The following ZNF174 variants were observed in gnomAD, a reference collection of about 807,000 sequenced individuals.
ZNF174 encodes zinc finger protein 174, also known as AW-1.
In ZNF174, 30 loss-of-function variants were observed where a neutral mutation model predicts 38.7. The observed-to-expected ratio is 0.78, with a 90% CI of 0.58 to 1.05. The LOEUF is 1.05. Ranked by LOEUF, ZNF174 falls within the 50% of genes least tolerant of loss-of-function variation. ZNF174 has a pLI of 0.00. For synonymous variants in ZNF174, 201 were observed against 181.7 expected (o/e 1.11, Z -0.86); for missense variants, 499 against 495.6 (o/e 1.01, Z -0.06).
intron 2 of ZNF174, chr16:3,405,030 C>T: frequency 6.3e-7 from 1 of 1,598,662 alleles, no homozygotes; most frequent in Non-Finnish European, 8.5e-7. Context: ...AATAAAAACC[C>T]ACCCTATATC....
intron 1 of ZNF174, among the ~76,000 whole-genome samples, chr16:3,403,342 G>A (rs1027144114): frequency 1.3e-5 from 2 of 151,008 alleles, no homozygotes; most frequent in Non-Finnish European, 3.0e-5. Context: ...GCTAATTTTT[G>A]TACTTTTTAG....
chr16:3,405,137 G>A, intron 2 of ZNF174: 2 of 1,388,112 alleles, frequency 1.4e-6, no homozygotes, highest in Admixed American at 5.5e-5. Flanking sequence ...TGCTGGCCTT[G>A]TTCTACACAG....
rs1023191018 is a variant in ZNF174, at chr16:3,409,139, G to A, written c.*220G>A. 1 of 562,196 alleles carries A rather than the reference G, an allele frequency of 1.8e-6. No individual in the cohort carries two copies. Among genetic ancestry groups the A allele is most frequent in the Non-Finnish European group, 3.1e-6 (1 of 317,862 alleles). 34.8% of individuals were successfully genotyped at this position (562,196 alleles called of 1,614,324 possible). A position where few individuals can be genotyped will look rare whatever the true frequency, so the allele number is the denominator to read the frequency against. On this transcript the variant is annotated 3_prime_UTR_variant, in exon 3 of 3. Transcript: ENST00000268655. ...AGAGAAGGCAGGTCTGGGCACTGGG[G>A]CAAAGAGAACTTAAGTCTCTGCAGA...
chr16:3,405,937 G>A (rs992433812), intron 2 of ZNF174, among the ~76,000 whole-genome samples: 4 of 152,186 alleles, frequency 2.6e-5, no homozygotes, highest in African/African-American at 9.7e-5. Context: ...CAACCTGGGA[G>A]GTCGAGGCTG....
At chr16:3,407,931 A>G (rs1271482094) in intron 2 of ZNF174, among the ~76,000 whole-genome samples, 1 of 152,218 alleles carries the variant, frequency 6.6e-6, no homozygotes, top group African/African-American at 2.4e-5. Context: ...AAAATTTGCA[A>G]TGTTGAGATT....
chr16:3,403,385 A>G (rs1463553485), intron 1 of ZNF174, among the ~76,000 whole-genome samples: 1 of 151,160 alleles, frequency 6.6e-6, no homozygotes, highest in South Asian at 2.1e-4. Context: ...TGGCCAGGCT[A>G]GTCTCGAACT....
At position 3,402,307 on chromosome 16, in the gene ZNF174, G is replaced by T. The variant is rs1435289138; in HGVS notation, c.303G>T (p.Glu101Asp). 1.9e-6 allele frequency: 3 copies of T among 1,614,032 alleles called. No homozygotes were observed. Among genetic ancestry groups the T allele is most frequent in the African/African-American group, 2.7e-5 (2 of 74,910 alleles). The change falls in exon 1 of 3, where the codon GAG becomes GAT. Residue 101 changes from glutamate to aspartate, a missense_variant. By Grantham distance (45) the Glu-to-Asp change is conservative. Coordinates refer to ENST00000268655, the MANE Select transcript of ZNF174 (RefSeq NM_003450.3). ...AGTTCCTGACCATCCTGCCCCCGGA[G>T]ATCCAGGCTCGGGTCAGGCATCGAT... The part of the protein sequence containing the change: ...MEQFLTILPP[E>D]IQARVRHRCP...
At chr16:3,404,828 AT>A (rs2034029963) in intron 2 of ZNF174, 180 bp downstream of exon 2, 1 of 1,582,242 alleles carries the variant, frequency 6.3e-7, no homozygotes, top group Non-Finnish European at 8.6e-7. Context: ...ACAAGTAAGT[AT>A]GTTTTTATCG....
At chr16:3,405,752 A>G (rs1270278513) in intron 2 of ZNF174, among the ~76,000 whole-genome samples, 1 of 152,262 alleles carries the variant, frequency 6.6e-6, no homozygotes, top group Non-Finnish European at 1.5e-5. Flanking sequence ...CACGCCTGTA[A>G]TCCCAGCACT....
At position 3,402,475 on chromosome 16, in the gene ZNF174, T is replaced by C. The variant is rs1200748969; in HGVS notation, c.402+69T>C. Reference sequence around the variant, plus strand: ...TTTCTTTTTTTTTTTTTTTCTTTTTTTGAGACGGAATCTTGCTCTTTCGCC... The same window carrying C: ...TTTCTTTTTTTTTTTTTTTCTTTTTCTGAGACGGAATCTTGCTCTTTCGCC... On this transcript the variant is annotated intron_variant, in intron 1 of 2. Transcript: ENST00000268655. The C allele has an allele frequency of 8.1e-6, 12 of 1,476,212 alleles. No individual in the cohort carries two copies. In the African/African-American group the frequency reaches 1.3e-4, roughly 16 times the overall value. The allele number at this position is 1,476,212 out of a possible 1,614,324, so 91.4% of individuals were successfully genotyped here.
intron 2 of ZNF174, among the ~76,000 whole-genome samples, chr16:3,407,509 A>T (rs190186879): frequency 6.5e-4 from 99 of 151,162 alleles, no homozygotes; most frequent in African/African-American, 1.9e-3. Flanking sequence ...AATTAAAATT[A>T]AAAAAAAATT....
intron 2 of ZNF174, among the ~76,000 whole-genome samples, chr16:3,407,508 TA>T (rs557327287): frequency 3.2e-3 from 486 of 152,066 alleles, no homozygotes; most frequent in African/African-American, 8.7e-3. Flanking sequence ...GAATTAAAAT[TA>T]AAAAAAAATT....
At chr16:3,406,598 T>C (rs1021193151) in intron 2 of ZNF174, among the ~76,000 whole-genome samples, 1 of 152,240 alleles carries the variant, frequency 6.6e-6, no homozygotes, top group African/African-American at 2.4e-5. Context: ...AAAATATCTG[T>C]TCAGATCCTT....
At chr16:3,405,650 C>G (rs1277570355) in intron 2 of ZNF174, among the ~76,000 whole-genome samples, 1 of 152,174 alleles carries the variant, frequency 6.6e-6, no homozygotes, top group Admixed American at 6.6e-5. Flanking sequence ...AAACATTTAG[C>G]CCCTGGCAAC....
chr16:3,404,646 C>G lies in ZNF174; in HGVS notation c.623C>G (p.Thr208Arg). The G allele has an allele frequency of 6.2e-7, 1 of 1,614,172 alleles. No individual in the cohort carries two copies. The highest frequency in any genetic ancestry group is 8.5e-7 in the Non-Finnish European group (1 of 1,180,006). ...LQEPTPKLAG[T>R]EAPRMRSDNK... ...GAACCAACCCCCAAATTGGCTGGGA[C>G]AGGTAAACACTCTGCCTTTTCTCTC... The change falls in exon 2 of 3, where the codon ACA becomes AGA. Residue 208 changes from threonine (T) to arginine (R), a missense_variant and splice_region_variant. Physicochemically the swap from Thr to Arg is moderately conservative, Grantham distance 71. Transcript: ENST00000268655.
At chr16:3,406,348 G>A (rs1324949590) in intron 2 of ZNF174, among the ~76,000 whole-genome samples, 1 of 152,178 alleles carries the variant, frequency 6.6e-6, no homozygotes, top group Non-Finnish European at 1.5e-5. Flanking sequence ...GTAATTCCAT[G>A]TTTAACTTAT....
At chr16:3,402,462 T>TTC (rs1555478294) in intron 1 of ZNF174, 56 bp downstream of exon 1, 1 of 1,525,790 alleles carries the variant, frequency 6.6e-7, no homozygotes, top group Non-Finnish European at 8.8e-7. Flanking sequence ...TCTTTTTTTT[T>TTC]TTTTTTCTTT....
intron 2 of ZNF174, among the ~76,000 whole-genome samples, chr16:3,406,710 C>A (rs993537575): frequency 6.6e-6 from 1 of 152,134 alleles, no homozygotes; most frequent in Non-Finnish European, 1.5e-5. Flanking sequence ...TCTTTTCTCT[C>A]ATTTTGTGGG....
chr16:3,409,292 G>A lies in ZNF174; in HGVS notation c.*373G>A, dbSNP rs773646616. ...GGATAAATTCTATATATATAGTTAT[G>A]CATTTGCTGTCATACCAGACAATTT... On this transcript the variant is annotated 3_prime_UTR_variant, in exon 3 of 3. Coordinates refer to ENST00000268655, the MANE Select transcript of ZNF174 (RefSeq NM_003450.3). 21 of 181,900 alleles carry A rather than the reference G, an allele frequency of 1.2e-4. No individual in the cohort carries two copies. The highest frequency in any genetic ancestry group is 2.0e-4 in the Non-Finnish European group (17 of 84,952). The allele number at this position is 181,900 out of a possible 1,614,324, so 11.3% of individuals were successfully genotyped here.
Sources: gnomAD v4.1 joint callset for allele counts (sites outside exome capture counted in the v4.1 genomes callset) on GRCh38, gnomAD v4.1.1 for gene constraint, MANE v1.5 for transcripts, NCBI Gene and HGNC (gene_info 2026-07-23, HGNC 2026-07-21) for gene names.